Variants in GGCX observed in about 807,000 individuals in gnomAD.
GGCX encodes gamma-glutamyl carboxylase.
In GGCX, 63 loss-of-function variants were observed where a neutral mutation model predicts 88.5. The observed-to-expected ratio is 0.71, with a 90% CI of 0.58 to 0.88. The LOEUF (loss-of-function observed/expected upper bound fraction) is 0.88. GGCX is among the 40% of genes least tolerant of loss of function. The pLI, the probability that GGCX is intolerant of heterozygous loss-of-function variation, is 0.00. For synonymous variants in GGCX, 368 were observed against 365.8 expected, an observed-to-expected ratio of 1.01 and a Z score of -0.07; for missense variants, 805 against 932.9, an observed-to-expected ratio of 0.86 and a Z score of 1.79.
In GGCX at chr2:85,560,953, A is replaced by G; in HGVS notation, c.76T>C (p.Ser26Pro). ...ATTCGGCTGTCCTGCCTGGGCCCTG[A>G]GATCAGTTCAGCCTTGTCTTTCTGT... The part of the protein sequence containing the change: ...KVQKDKAELI[S>P]GPRQDSRIGK... Residue 26 changes from serine (S) to proline (P), a missense_variant, in exon 2 of 15, where the codon TCA (serine) becomes CCA (proline). Coordinates refer to ENST00000233838, the MANE Select transcript of GGCX (RefSeq NM_000821.7). 12 of 1,613,964 alleles carry G rather than the reference A, an allele frequency of 7.4e-6. No individual in the cohort carries two copies. Among genetic ancestry groups the G allele is most frequent in the Non-Finnish European group, 1.0e-5 (12 of 1,179,838 alleles).
chr2:85,558,643 T>C (rs1363827344), intron 3 of GGCX, 38 bp from the exon 4 acceptor site: 1 of 1,527,682 alleles, frequency 6.5e-7, no homozygotes. Flanking sequence ...GGTCAAGAGA[T>C]CACCACAGGC....
intron 2 of GGCX, among the ~76,000 whole-genome samples, chr2:85,559,500 G>A (rs189987255): frequency 6.6e-6 from 1 of 151,956 alleles, no homozygotes; most frequent in Admixed American, 6.6e-5. Context: ...ATCACCTGAG[G>A]TTGGGAGTTC....
rs1573311305 is a variant in GGCX at position 85,545,410 on chromosome 2, C to T, written c.*4524G>A. 6.6e-6 allele frequency: 1 copy of T among 152,386 alleles called. No homozygotes were observed. Among genetic ancestry groups the T allele is most frequent in the South Asian group, 2.1e-4 (1 of 4,834 alleles). The allele number at this position is 152,386 out of a possible 1,614,324, so 9.4% of individuals were successfully genotyped here. ...GTTGGAGGCTGTAGCGAACCATTAT[C>T]AAGCCACTGCACTCCAGCCTGGGTG... On this transcript the variant is annotated 3_prime_UTR_variant, in exon 15 of 15. Transcript: ENST00000233838.
Position 85,550,127 on chromosome 2 carries a change from C to G in GGCX, c.2085-1G>C. ...AAGTGAGATACAAGTCATCAGGAAG[C>G]TGAAAAACAGGAAAAAGCCGACCAA... On this transcript the variant is annotated splice_acceptor_variant, in intron 14 of 14. Transcript: ENST00000233838. LOFTEE classifies it high-confidence loss of function. 2 of 1,612,820 alleles carry G rather than the reference C, an allele frequency of 1.2e-6. No individual in the cohort carries two copies. The highest frequency in any genetic ancestry group is 1.7e-6 in the Non-Finnish European group (2 of 1,178,846).
chr2:85,551,635 T>C (rs368490782), intron 11 of GGCX, 25 bp from the exon 12 acceptor site: 1 of 1,612,450 alleles, frequency 6.2e-7, no homozygotes, highest in Non-Finnish European at 8.5e-7. Flanking sequence ...GAGTTCATCA[T>C]CCCACCCCAT....
At position 85,548,028 on chromosome 2, in the gene GGCX, C is replaced by T. The variant is rs1691760577; in HGVS notation, c.*1906G>A. 1 of 152,178 alleles carries T rather than the reference C, an allele frequency of 6.6e-6. No homozygotes were observed. Among genetic ancestry groups the T allele is most frequent in the Non-Finnish European group, 1.5e-5 (1 of 68,060 alleles). The allele number at this position is 152,178 out of a possible 1,614,324, so 9.4% of individuals were successfully genotyped here. A position where few individuals can be genotyped will look rare whatever the true frequency, so the allele number is the denominator to read the frequency against. On this transcript the variant is annotated 3_prime_UTR_variant, in exon 15 of 15. Coordinates refer to ENST00000233838, the MANE Select transcript of GGCX (RefSeq NM_000821.7). ...GCCTGGCCAATGTGGGAAACCATGT[C>T]TCTACTAAAAATACAAAAATTAGTT...
rs1044314364 is a variant in GGCX, at chr2:85,546,995, CAA to C, written c.*2937_*2938del. ...TTATGTTCAGTATTTGCTAAGTAAACAAAGATTCCCCAACCTTGAGGGAGCTT... is the reference window on the plus strand; with the variant it reads ...TTATGTTCAGTATTTGCTAAGTAAACAGATTCCCCAACCTTGAGGGAGCTT... On this transcript the variant is annotated 3_prime_UTR_variant, in exon 15 of 15. Transcript: ENST00000233838. 6.6e-6 allele frequency: 1 copy of C among 152,120 alleles called. No homozygotes were observed. The highest frequency in any genetic ancestry group is 1.5e-5 in the Non-Finnish European group (1 of 68,020). 9.4% of individuals were successfully genotyped at this position (152,120 alleles called of 1,614,324 possible). A position where few individuals can be genotyped will look rare whatever the true frequency, so the allele number is the denominator to read the frequency against.
rs1691844068 is a variant in GGCX at position 85,549,825 on chromosome 2, C to A, written c.*109G>T. 3 of 666,752 alleles carry A rather than the reference C, an allele frequency of 4.5e-6. No individual in the cohort carries two copies. Among genetic ancestry groups the A allele is most frequent in the Non-Finnish European group, 2.6e-6 (1 of 387,494 alleles). The allele number at this position is 666,752 out of a possible 1,614,324, so 41.3% of individuals were successfully genotyped here. A position where few individuals can be genotyped will look rare whatever the true frequency, so the allele number is the denominator to read the frequency against. The stretch of plus-strand genomic sequence containing the variant: ...AAAACAGCTTTAGAACCCCGCCCCC[C>A]CAAAAAAAAAAAAAAAACTTTTGAG... On this transcript the variant is annotated 3_prime_UTR_variant, in exon 15 of 15. Coordinates refer to ENST00000233838, the MANE Select transcript of GGCX (RefSeq NM_000821.7).
chr2:85,561,094 A>T, intron 1 of GGCX, 109 bp from the exon 2 acceptor site: 5 of 943,724 alleles, frequency 5.3e-6, no homozygotes, highest in Non-Finnish European at 8.6e-6. Flanking sequence ...GGTCGGCTCA[A>T]TGAGGTTGCC....
chr2:85,559,258 C>A (rs1692334558), intron 2 of GGCX, among the ~76,000 whole-genome samples, 183 bp from the exon 3 acceptor site: 1 of 152,202 alleles, frequency 6.6e-6, no homozygotes, highest in Non-Finnish European at 1.5e-5. Flanking sequence ...GTTGTGCCAT[C>A]TAGAACAGCC....
chr2:85,559,165 G>C, intron 2 of GGCX, 90 bp from the exon 3 acceptor site: 1 of 1,054,750 alleles, frequency 9.5e-7, no homozygotes, highest in South Asian at 1.3e-5. Flanking sequence ...TGCAGCTCCA[G>C]GGTCAGACTT....
Position 85,556,175 on chromosome 2 carries a change from G to A in GGCX, c.618+7C>T. ...GGAGCTCCTCCCTCTGTCCTAAAAT[G>A]CTGTACCTGGCCACGGAGCACTGCA... On this transcript the variant is annotated splice_region_variant and intron_variant, in intron 5 of 14. Transcript: ENST00000233838. The A allele has an allele frequency of 6.3e-7, 1 of 1,585,184 alleles. No homozygotes were observed. Among genetic ancestry groups the A allele is most frequent in the Non-Finnish European group, 8.7e-7 (1 of 1,153,480 alleles).
In GGCX at chr2:85,549,125, G is replaced by C. The variant is rs1691804839; in HGVS notation, c.*809C>G. 2.0e-5 allele frequency: 3 copies of C among 152,334 alleles called. No homozygotes were observed. Among genetic ancestry groups the C allele is most frequent in the South Asian group, 4.1e-4 (2 of 4,824 alleles). The allele number at this position is 152,334 out of a possible 1,614,324, so 9.4% of individuals were successfully genotyped here. On this transcript the variant is annotated 3_prime_UTR_variant, in exon 15 of 15. Coordinates refer to ENST00000233838, the MANE Select transcript of GGCX (RefSeq NM_000821.7). ...ACATGTTTTAAGCTGCATTATTTCA[G>C]ATTATCAGTGATTCTGAAAATTACA...
chr2:85,551,028 G>C lies in GGCX; in HGVS notation c.1785C>G (p.Ser595Arg), dbSNP rs1283379300. Residue 595 changes from serine to arginine, a missense_variant, in exon 13 of 15, where the codon AGC (serine) becomes AGG (arginine). Ser to Arg is a moderately radical substitution (Grantham distance 110, BLOSUM62 -1). Around this residue, in one of 3 missense-constraint regions of GGCX, gnomAD observed 680 missense variants for 763.7 expected, o/e 0.89. Coordinates refer to ENST00000233838, the MANE Select transcript of GGCX (RefSeq NM_000821.7). ...EYHKVYTTSP[S>R]PSCYMYVYVN... ...CATAGACGTACATGTAGCAAGAAGG[G>C]CTAGGTGATGTCGTATACACCTTAT... is the stretch of plus-strand genomic sequence containing the variant. The C allele has an allele frequency of 5.0e-6, 8 of 1,613,290 alleles. No homozygotes were observed. Among genetic ancestry groups the C allele is most frequent in the Non-Finnish European group, 5.9e-6 (7 of 1,179,304 alleles).
At chr2:85,559,113 G>A (rs771783088) in intron 2 of GGCX, 38 bp from the exon 3 acceptor site, 6 of 1,565,826 alleles carry the variant, frequency 3.8e-6, no homozygotes, top group Non-Finnish European at 5.3e-6. Context: ...TTGGGCCTCA[G>A]CTAAGGAAGC....
rs1382731073 is a variant in GGCX at position 85,544,949 on chromosome 2, TTC to T, written c.*4983_*4984del. ...GCAGCTTTTAAAAGATTTTTTTTTT[TTC>T]TCTCAACACCATGATTCCTTTAACA... On this transcript the variant is annotated 3_prime_UTR_variant, in exon 15 of 15. Coordinates refer to ENST00000233838, the MANE Select transcript of GGCX (RefSeq NM_000821.7). 3 of 152,602 alleles carry T rather than the reference TTC, an allele frequency of 2.0e-5. No homozygotes were observed. The highest frequency in any genetic ancestry group is 2.9e-5 in the Non-Finnish European group (2 of 68,040). The allele number at this position is 152,602 out of a possible 1,614,324, so 9.5% of individuals were successfully genotyped here.
At chr2:85,551,721 C>T in intron 11 of GGCX, 91 bp downstream of exon 11, 1 of 1,569,094 alleles carries the variant, frequency 6.4e-7, no homozygotes, top group Non-Finnish European at 8.8e-7. Flanking sequence ...GTTTCAAAAA[C>T]ATTCCCTCTC....
intron 2 of GGCX, among the ~76,000 whole-genome samples, chr2:85,559,702 C>T (rs563175443): frequency 2.0e-5 from 3 of 149,134 alleles, no homozygotes; most frequent in South Asian, 2.1e-4. Context: ...GCAACAAGAT[C>T]GAAACTCCGT....
chr2:85,555,177 G>A, intron 6 of GGCX: 1 of 331,888 alleles, frequency 3.0e-6, no homozygotes, highest in Non-Finnish European at 5.8e-6. Flanking sequence ...CAAGGACACA[G>A]GCACCATCCA....
Sources: allele counts gnomAD v4.1 joint callset (sites outside exome capture counted in the v4.1 genomes callset), GRCh38; gene constraint gnomAD v4.1.1; regional missense constraint gnomAD v4.1.1; transcripts MANE v1.5; gene names NCBI Gene and HGNC (gene_info 2026-07-23, HGNC 2026-07-21).